SLC27A5: variants seen among roughly 807,000 people sequenced by gnomAD.
The protein encoded by SLC27A5 is long-chain fatty acid transport protein 5.
A neutral mutation model predicts 63.1 loss-of-function variants in SLC27A5; 47 were observed. That is an observed-to-expected ratio of 0.74 (90% CI 0.59 to 0.95). The LOEUF is 0.95. Ranked by LOEUF, SLC27A5 falls within the 40% of genes least tolerant of loss-of-function variation. The probability of loss-of-function intolerance (pLI) is 0.00; values close to 1 mark genes in which losing one functional copy is unlikely to be tolerated. For missense variants in SLC27A5, 940 were observed against 921.0 expected (o/e 1.02, Z -0.27); for synonymous variants, 391 against 403.8 (o/e 0.97, Z 0.38).
intron 3 of SLC27A5, among the ~76,000 whole-genome samples, chr19:58,501,680 A>T (rs1241141877): frequency 6.6e-6 from 1 of 152,084 alleles, no homozygotes; most frequent in Non-Finnish European, 1.5e-5. Context: ...TAAATTTTTT[A>T]TTTTTATTTT....
chr19:58,504,520 G>A (rs569991577), intron 3 of SLC27A5, among the ~76,000 whole-genome samples: 5 of 141,364 alleles, frequency 3.5e-5, no homozygotes, highest in African/African-American at 1.3e-4. Flanking sequence ...GTGGCGGTGC[G>A]TGCCTGTAAT....
rs775443431 is a variant in SLC27A5, at chr19:58,509,910, T to A, written c.994A>T (p.Thr332Ser). Residue 332 changes from threonine (T) to serine (S), a missense_variant, in exon 3 of 10, where the codon ACG (threonine) becomes TCG (serine). Physicochemically the swap from Thr to Ser is moderately conservative, Grantham distance 58. Coordinates refer to ENST00000263093, the MANE Select transcript of SLC27A5 (RefSeq NM_012254.3). Reference protein sequence around the residue: ...SGATADDVVYTVLPLYHVMGL... With the variant: ...SGATADDVVYSVLPLYHVMGL... ...ATCACGTGGTACAGAGGCAGGACCG[T>A]GTAAACCACATCATCAGCTGTGGCC... 2 of 1,614,036 alleles carry A rather than the reference T, an allele frequency of 1.2e-6. No individual in the cohort carries two copies. The highest frequency in any genetic ancestry group is 1.7e-6 in the Non-Finnish European group (2 of 1,180,018).
In SLC27A5 at chr19:58,509,970, C is replaced by T. The variant is rs146682651; in HGVS notation, c.934G>A (p.Val312Ile). The T allele has an allele frequency of 1.5e-4, 247 of 1,613,958 alleles. No individual in the cohort carries two copies. The African/African-American group carries it at 2.9e-3, about 19-fold the overall frequency. The change falls in exon 3 of 10, where the codon GTA becomes ATA. Residue 312 changes from valine to isoleucine, a missense_variant. By Grantham distance (29) the Val-to-Ile change is conservative. Transcript: ENST00000263093. ...PKPAILTHER[V>I]LQMSKMLSLS... ...GACAGCATCTTGCTCATCTGCAGTA[C>T]CCGCTCATGCGTGAGGATGGCTGGC...
chr19:58,503,118 T>C (rs971870263), intron 3 of SLC27A5, among the ~76,000 whole-genome samples: 1 of 150,032 alleles, frequency 6.7e-6, no homozygotes, highest in Non-Finnish European at 1.5e-5. Flanking sequence ...GGCAGGAGAA[T>C]GGCGTGAACC....
chr19:58,511,583 G>A lies in SLC27A5; in HGVS notation c.373C>T (p.Arg125Ter), dbSNP rs1055339487. 7.6e-6 allele frequency: 12 copies of A among 1,573,044 alleles called. No homozygotes were observed. Among genetic ancestry groups the A allele is most frequent in the South Asian group, 5.8e-5 (5 of 86,488 alleles). The change falls in exon 1 of 10, where the codon CGA becomes TGA. Residue 125 changes from arginine (R) to a stop codon, truncating the protein, a stop_gained. Transcript: ENST00000263093. LOFTEE classifies it high-confidence loss of function. ...AAGAGTGCCCTGCCAGGCTGCGCTC[G>A]TGCTCGCCGCTCGAAGGCATCTACA... Reference protein sequence around the residue: ...TFVDAFERRARAQPGRALLVW... With the variant: ...TFVDAFERRA
rs201372861 is a variant in SLC27A5, at chr19:58,499,700, G to A, written c.1469-10C>T. 8 of 1,610,026 alleles carry A rather than the reference G, an allele frequency of 5.0e-6. No homozygotes were observed. The highest frequency in any genetic ancestry group is 4.0e-5 in the African/African-American group (3 of 74,974). On this transcript the variant is annotated splice_polypyrimidine_tract_variant and intron_variant, in intron 6 of 9. Coordinates refer to ENST00000263093, the MANE Select transcript of SLC27A5 (RefSeq NM_012254.3). ...AGCAGCCCCGGCTCCCCTGGGGTAG[G>A]AGCAGGAACAAGAACCCCTGGAGCC...
chr19:58,499,080 A>G (rs2053241889), intron 8 of SLC27A5, 43 bp downstream of exon 8: 1 of 1,609,348 alleles, frequency 6.2e-7, no homozygotes, highest in African/African-American at 1.3e-5. Context: ...CGACCCCTCC[A>G]CCCACAAAGC....
chr19:58,510,574 G>T, intron 2 of SLC27A5, 147 bp downstream of exon 2: 1 of 658,090 alleles, frequency 1.5e-6, no homozygotes, highest in Non-Finnish European at 2.4e-6. Context: ...ACTCTGCCTC[G>T]AAAAAAAAAA....
intron 3 of SLC27A5, among the ~76,000 whole-genome samples, chr19:58,502,294 G>T (rs10427075): frequency 0.67 from 87,334 of 130,328 alleles, 29,017 homozygotes; most frequent in East Asian, 0.8. Flanking sequence ...TGAACAGTTA[G>T]AGTAGTGAGT....
rs765196787 is a variant in SLC27A5, at chr19:58,499,542, C to A, written c.1617G>T (p.Met539Ile). 6 of 1,613,152 alleles carry A rather than the reference C, an allele frequency of 3.7e-6. No homozygotes were observed. The Admixed American group carries it at 1.0e-4, about 27-fold the overall frequency. ...VYYNTGDVLAMDREGFLYFRD... is the reference protein window; with the variant it reads ...VYYNTGDVLAIDREGFLYFRD... ...GGAAGTAGAGGAAGCCTTCGCGGTCCATGGCCAGTACGTCCCCGGTGTTGT... is the reference window on the plus strand; with the variant it reads ...GGAAGTAGAGGAAGCCTTCGCGGTCAATGGCCAGTACGTCCCCGGTGTTGT... Residue 539 changes from methionine (M) to isoleucine (I), a missense_variant, in exon 7 of 10, where the codon ATG (methionine) becomes ATT (isoleucine). By Grantham distance (10) the Met-to-Ile change is conservative. Transcript: ENST00000263093.
rs2053238411 is a variant in SLC27A5, at chr19:58,498,809, A to G, written c.1872T>C (p.Ala624=). The G allele has an allele frequency of 6.2e-7, 1 of 1,613,926 alleles. No individual in the cohort carries two copies. The highest frequency in any genetic ancestry group is 1.7e-5 in the Admixed American group (1 of 59,980). ...CCTGGATGCGGATGAAATGGGGGGT[A>G]GCGTAGGCAGGGAGCCAAGCGCGAA... is the stretch of plus-strand genomic sequence containing the variant. The part of the protein sequence containing the change: ...QHVRAWLPAY[A]TPHFIRIQDA... The change falls in exon 9 of 10, where the codon GCT becomes GCC. Residue 624 remains alanine, a synonymous_variant. Coordinates refer to ENST00000263093, the MANE Select transcript of SLC27A5 (RefSeq NM_012254.3).
At chr19:58,509,701 C>T in intron 3 of SLC27A5, 146 bp downstream of exon 3, 1 of 707,458 alleles carries the variant, frequency 1.4e-6, no homozygotes. Flanking sequence ...CCATGCGGCC[C>T]TGGTAGTCAT....
Position 58,499,514 on chromosome 19 carries a change from C to G in SLC27A5, c.1645G>C (p.Asp549His). ...MDREGFLYFRDRLGDTFRWKG... is the reference protein window; with the variant it reads ...MDREGFLYFRHRLGDTFRWKG... ...GACCGGAAGGTGTCCCCGAGGCGGTCGCGGAAGTAGAGGAAGCCTTCGCGG... is the reference window on the plus strand; with the variant it reads ...GACCGGAAGGTGTCCCCGAGGCGGTGGCGGAAGTAGAGGAAGCCTTCGCGG... Residue 549 changes from aspartate (D) to histidine (H), a missense_variant, in exon 7 of 10, where the codon GAC becomes CAC. By Grantham distance (81) the Asp-to-His change is moderately conservative. Transcript: ENST00000263093. 6.2e-7 allele frequency: 1 copy of G among 1,613,066 alleles called. No individual in the cohort carries two copies. Among genetic ancestry groups the G allele is most frequent in the Non-Finnish European group, 8.5e-7 (1 of 1,180,018 alleles).
intron 4 of SLC27A5, 132 bp from the exon 5 acceptor site, chr19:58,500,838 T>C: frequency 2.1e-6 from 3 of 1,460,912 alleles, no homozygotes; most frequent in East Asian, 2.4e-5. Flanking sequence ...GACCTCTACC[T>C]AAGGGATCTA....
chr19:58,505,342 G>A (rs1056397548), intron 3 of SLC27A5, among the ~76,000 whole-genome samples: 1 of 151,230 alleles, frequency 6.6e-6, no homozygotes, highest in African/African-American at 2.4e-5. Flanking sequence ...CAGGTGTTCC[G>A]CCGGCCTCAG....
At chr19:58,503,283 G>C (rs2122503342) in intron 3 of SLC27A5, among the ~76,000 whole-genome samples, 1 of 152,078 alleles carries the variant, frequency 6.6e-6, no homozygotes, top group East Asian at 1.9e-4. Context: ...ATGAATGAAT[G>C]AGTGAGGAAG....
At chr19:58,501,246 C>G (rs766345268) in intron 4 of SLC27A5, 40 bp downstream of exon 4, 2 of 1,600,430 alleles carry the variant, frequency 1.2e-6, no homozygotes, top group Admixed American at 3.4e-5. Context: ...GGATTTCATA[C>G]TTGGGTGTTC....
chr19:58,501,223 AG>A, intron 4 of SLC27A5, 62 bp downstream of exon 4: 1 of 1,577,686 alleles, frequency 6.3e-7, no homozygotes, highest in South Asian at 1.1e-5. Context: ...TCTTTACCTG[AG>A]ACCTTTACCT....
In SLC27A5 at chr19:58,511,702, C is replaced by T. The variant is rs915498804; in HGVS notation, c.254G>A (p.Arg85His). 14 of 1,564,878 alleles carry T rather than the reference C, an allele frequency of 8.9e-6. No individual in the cohort carries two copies. The highest frequency in any genetic ancestry group is 2.7e-5 in the African/African-American group (2 of 73,746). ...GAAGATCACATCAGCCGGCAGCCAG[C>T]GTAGTCCTGGGGGCAGCCGTGCTGG... is the stretch of plus-strand genomic sequence containing the variant. ...LLPARLPPGL[R>H]WLPADVIFLA... The change falls in exon 1 of 10, where the codon CGC becomes CAC. Residue 85 changes from arginine to histidine, a missense_variant. Transcript: ENST00000263093.
Sources: gnomAD v4.1 joint callset for allele counts (sites outside exome capture counted in the v4.1 genomes callset) on GRCh38, gnomAD v4.1.1 for gene constraint, MANE v1.5 for transcripts, NCBI Gene and HGNC (gene_info 2026-07-23, HGNC 2026-07-21) for gene names.